Variants in NALF1 observed in about 807,000 individuals in gnomAD.
NALF1 encodes family with sequence similarity 155 member A.
NALF1 carries 3 observed loss-of-function variants against 48.4 expected under a neutral mutation model. The ratio of observed to expected loss-of-function variants is 0.06; its 90% CI spans 0.03 to 0.16. NALF1 has a LOEUF of 0.16. Among genes scored for constraint, NALF1 ranks in the 10% least tolerant of loss-of-function variants. The pLI is 1.00. For synonymous variants in NALF1, 262 were observed against 245.7 expected (o/e 1.07, Z -0.62); for missense variants, 526 against 571.5 (o/e 0.92, Z 0.81).
chr13:107,351,522 T>A (rs139352949), intron 1 of NALF1, among the ~76,000 whole-genome samples: 20 of 152,304 alleles, frequency 1.3e-4, no homozygotes, highest in Middle Eastern at 3.4e-3. Flanking sequence ...GGAAGAACAC[T>A]TGCCCAGTAA....
intron 1 of NALF1, among the ~76,000 whole-genome samples, chr13:107,388,870 G>C (rs577131012): frequency 6.6e-6 from 1 of 152,090 alleles, no homozygotes; most frequent in East Asian, 1.9e-4. Context: ...AATTGTTGTA[G>C]AGCAAAAACA....
intron 1 of NALF1, among the ~76,000 whole-genome samples, chr13:107,640,995 A>G (rs1387320303): frequency 1.3e-5 from 2 of 152,220 alleles, no homozygotes; most frequent in African/African-American, 4.8e-5. Flanking sequence ...TAGCCAAAAT[A>G]TGAAATCAAC....
At position 107,524,839 on chromosome 13, in the gene NALF1, C is replaced by T. The variant is rs529096804; in HGVS notation, c.916-314084G>A. 9.9e-5 allele frequency among the ~76,000 whole-genome samples: 15 copies of T among 152,142 alleles called. 1 individual carries two copies. The highest frequency in any genetic ancestry group is 2.0e-4 in the Admixed American group (3 of 15,262). On this transcript the variant is annotated intron_variant, in intron 1 of 2. Coordinates refer to ENST00000375915, the MANE Select transcript of NALF1 (RefSeq NM_001080396.3). The stretch of plus-strand genomic sequence containing the variant: ...TAAATTACTGTATATATAATATTTA[C>T]GCATTCTCAGTTTCAGATGATTTCT...
chr13:107,325,859 T>C (rs868257178), intron 1 of NALF1, among the ~76,000 whole-genome samples: 17 of 59,428 alleles, frequency 2.9e-4, no homozygotes, highest in African/African-American at 9.2e-4. Flanking sequence ...CACACACATA[T>C]ATATATATAT....
At chr13:107,468,194 T>G (rs540451807) in intron 1 of NALF1, among the ~76,000 whole-genome samples, 86 of 152,194 alleles carry the variant, frequency 5.7e-4, no homozygotes, top group Non-Finnish European at 1.1e-3. Context: ...TATTTTACAA[T>G]TCACAGAAGA....
intron 1 of NALF1, among the ~76,000 whole-genome samples, chr13:107,646,321 G>A (rs1880314143): frequency 6.7e-6 from 1 of 148,922 alleles, no homozygotes; most frequent in East Asian, 2.0e-4. Flanking sequence ...AAATGGTGTA[G>A]ACAGGTAAAA....
chr13:107,498,531 A>G (rs1021259331), intron 1 of NALF1, among the ~76,000 whole-genome samples: 4 of 152,168 alleles, frequency 2.6e-5, no homozygotes, highest in Non-Finnish European at 4.4e-5. Context: ...ATGATGATTA[A>G]TGATCACAGG....
chr13:107,591,809 T>C (rs759254493), intron 1 of NALF1, among the ~76,000 whole-genome samples: 18 of 152,036 alleles, frequency 1.2e-4, no homozygotes, highest in Non-Finnish European at 2.1e-4. Flanking sequence ...AAATTAAACA[T>C]TGTCTGAACA....
chr13:107,247,558 A>G (rs891439164), intron 1 of NALF1, among the ~76,000 whole-genome samples: 2 of 152,222 alleles, frequency 1.3e-5, no homozygotes, highest in African/African-American at 4.8e-5. Context: ...AGCTTTCTCA[A>G]ATAGGAGGGA....
intron 1 of NALF1, among the ~76,000 whole-genome samples, chr13:107,327,959 C>T (rs1882396145): frequency 6.6e-6 from 1 of 151,652 alleles, no homozygotes; most frequent in Non-Finnish European, 1.5e-5. Context: ...ATCACTGTGT[C>T]ACCCAGGCTG....
In NALF1 at chr13:107,431,285, C is replaced by T. The variant is rs117434525; in HGVS notation, c.916-220530G>A. Among the ~76,000 whole-genome samples the T allele has an allele frequency of 8.7e-3, 1,323 of 152,072 alleles. 8 individuals carry two copies. The highest frequency in any genetic ancestry group is 0.016 in the Non-Finnish European group (1,068 of 68,006). ...AGTGTCCTTCCTAATGACACACCTC[C>T]CTGTGCAGCACTAAGATGAGTGGGT... On this transcript the variant is annotated intron_variant, in intron 1 of 2. Coordinates refer to ENST00000375915, the MANE Select transcript of NALF1 (RefSeq NM_001080396.3).
At chr13:107,347,444 C>T (rs1882794017) in intron 1 of NALF1, among the ~76,000 whole-genome samples, 1 of 152,192 alleles carries the variant, frequency 6.6e-6, no homozygotes, top group African/African-American at 2.4e-5. Flanking sequence ...CATAACCAGC[C>T]ATGCTTTGAG....
chr13:107,347,124 G>T (rs1182636581), intron 1 of NALF1, among the ~76,000 whole-genome samples: 2 of 151,928 alleles, frequency 1.3e-5, no homozygotes, highest in Non-Finnish European at 2.9e-5. Context: ...TTTTTTAATG[G>T]AGCAAGGTAC....
At chr13:107,437,412 G>A (rs1884480750) in intron 1 of NALF1, among the ~76,000 whole-genome samples, 1 of 151,990 alleles carries the variant, frequency 6.6e-6, no homozygotes, top group Non-Finnish European at 1.5e-5. Flanking sequence ...ATAAAAAAAG[G>A]ACCACACAAA....
At chr13:107,668,632 C>T (rs539081396) in intron 1 of NALF1, among the ~76,000 whole-genome samples, 1 of 152,104 alleles carries the variant, frequency 6.6e-6, no homozygotes, top group Non-Finnish European at 1.5e-5. Flanking sequence ...ATGGCATTCT[C>T]TCTTCCATAC....
At chr13:107,792,141 A>G (rs1044337267) in intron 1 of NALF1, among the ~76,000 whole-genome samples, 7 of 152,224 alleles carry the variant, frequency 4.6e-5, no homozygotes, top group African/African-American at 1.7e-4. Context: ...AGGTCTTACT[A>G]TGCTCAAAGA....
chr13:107,174,100 A>C (rs746647068), intron 2 of NALF1, among the ~76,000 whole-genome samples: 1 of 151,874 alleles, frequency 6.6e-6, no homozygotes, highest in Non-Finnish European at 1.5e-5. Context: ...TCACTCTGAG[A>C]TATTTGGGGT....
chr13:107,291,610 T>C (rs1280399847), intron 1 of NALF1, among the ~76,000 whole-genome samples: 1 of 152,206 alleles, frequency 6.6e-6, no homozygotes, highest in Non-Finnish European at 1.5e-5. Context: ...GCACTTCTTG[T>C]TCCAGATACT....
At chr13:107,781,261 C>A (rs986541596) in intron 1 of NALF1, among the ~76,000 whole-genome samples, 6 of 152,092 alleles carry the variant, frequency 3.9e-5, no homozygotes, top group Non-Finnish European at 8.8e-5. Flanking sequence ...TTTAATAAAT[C>A]TTTAACATAC....
Sources: allele counts gnomAD v4.1 joint callset (sites outside exome capture counted in the v4.1 genomes callset), GRCh38; gene constraint gnomAD v4.1.1; transcripts MANE v1.5; gene names NCBI Gene and HGNC (gene_info 2026-07-23, HGNC 2026-07-21).